Variants in OR4N2 observed in about 807,000 individuals in gnomAD.
OR4N2 encodes the protein olfactory receptor family 4 subfamily N member 2, also known as olfactory receptor 4N2.
For missense variants in OR4N2, 307 were observed against 377.6 expected (o/e 0.81, Z 1.55); for synonymous variants, 141 against 140.4 (o/e 1.00, Z -0.03).
At chr14:19,816,100 G>A (rs147265899) in intron 1 of OR4N2, among the ~76,000 whole-genome samples, 846 of 152,086 alleles carry the variant, frequency 5.6e-3, no homozygotes, top group African/African-American at 0.018. Flanking sequence ...TGGTTACTGC[G>A]GCCTTGTAGT....
chr14:19,814,348 T>A (rs1242784503), intron 1 of OR4N2, among the ~76,000 whole-genome samples: 6 of 152,206 alleles, frequency 3.9e-5, no homozygotes. Flanking sequence ...AATTGTTCTA[T>A]CCTATACCAA....
intron 1 of OR4N2, among the ~76,000 whole-genome samples, chr14:19,826,796 G>A (rs1166682617): frequency 3.9e-5 from 6 of 152,254 alleles, no homozygotes; most frequent in African/African-American, 4.8e-5. Flanking sequence ...GTTACAGCTG[G>A]AGCACTGTGC....
chr14:19,808,889 C>T (rs1402036040), intron 1 of OR4N2, among the ~76,000 whole-genome samples: 1 of 151,686 alleles, frequency 6.6e-6, no homozygotes. Flanking sequence ...GCCACTGTAA[C>T]CAAAACAGCA....
Position 19,827,477 on chromosome 14 carries a change from G to A in OR4N2, c.29G>A (p.Arg10Lys), listed in dbSNP as rs773189757. 16 of 1,605,896 alleles carry A rather than the reference G, an allele frequency of 1.0e-5. No individual in the cohort carries two copies. The highest frequency in any genetic ancestry group is 1.4e-5 in the Non-Finnish European group (16 of 1,176,116). The part of the protein sequence containing the change: MESENRTVI[R>K]EFILLGLTQS... ...GAAAGCGAGAACAGAACAGTGATAA[G>A]AGAATTCATCCTCCTTGGTCTGACC... Residue 10 changes from arginine (R) to lysine (K), a missense_variant, in exon 2 of 2, where the codon AGA becomes AAA. Arg to Lys is a conservative substitution (Grantham distance 26). Transcript: ENST00000557677.
chr14:19,817,342 G>A (rs1196303646), intron 1 of OR4N2, among the ~76,000 whole-genome samples: 1 of 152,192 alleles, frequency 6.6e-6, no homozygotes, highest in African/African-American at 2.4e-5. Context: ...TGGTTGGTAG[G>A]CTATTAATTA....
chr14:19,823,619 G>A lies in OR4N2; in HGVS notation c.-9-3821G>A, dbSNP rs1427559811. ...GAATGGAGTAGCCATGAACATAGACGAAAAGTGGAGAGAGTGAAAACATAT... is the reference window on the plus strand; with the variant it reads ...GAATGGAGTAGCCATGAACATAGACAAAAAGTGGAGAGAGTGAAAACATAT... On this transcript the variant is annotated intron_variant, in intron 1 of 1. Coordinates refer to ENST00000557677, the MANE Select transcript of OR4N2 (RefSeq NM_001004723.3). Among the ~76,000 whole-genome samples, 4 of 152,056 alleles carry A rather than the reference G, an allele frequency of 2.6e-5. 1 individual carries two copies. The highest frequency in any genetic ancestry group is 1.3e-4 in the Admixed American group (2 of 15,266).
chr14:19,827,476 A>G lies in OR4N2; in HGVS notation c.28A>G (p.Arg10Gly), dbSNP rs1215232372. The change falls in exon 2 of 2, where the codon AGA (arginine) becomes GGA (glycine). Residue 10 changes from arginine to glycine, a missense_variant. Coordinates refer to ENST00000557677, the MANE Select transcript of OR4N2 (RefSeq NM_001004723.3). MESENRTVI[R>G]EFILLGLTQS... Reference sequence around the variant, plus strand: ...GGAAAGCGAGAACAGAACAGTGATAAGAGAATTCATCCTCCTTGGTCTGAC... The same window carrying G: ...GGAAAGCGAGAACAGAACAGTGATAGGAGAATTCATCCTCCTTGGTCTGAC... 1 of 1,605,522 alleles carries G rather than the reference A, an allele frequency of 6.2e-7. No individual in the cohort carries two copies. The highest frequency in any genetic ancestry group is 1.7e-5 in the Admixed American group (1 of 58,872).
chr14:19,818,807 C>T (rs1401632874), intron 1 of OR4N2, among the ~76,000 whole-genome samples: 1 of 152,232 alleles, frequency 6.6e-6, no homozygotes, highest in African/African-American at 2.4e-5. Flanking sequence ...TATGTTTTTG[C>T]AGTGGCTGGT....
intron 1 of OR4N2, among the ~76,000 whole-genome samples, chr14:19,826,172 A>G (rs1476278512): frequency 1.3e-5 from 2 of 152,260 alleles, no homozygotes; most frequent in Non-Finnish European, 2.9e-5. Context: ...TCTATACTTC[A>G]GTGGATTATC....
rs748017200 is a variant in OR4N2, at chr14:19,827,840, A to C, written c.392A>C (p.His131Pro). 31 of 1,614,112 alleles carry C rather than the reference A, an allele frequency of 1.9e-5. No homozygotes were observed. The highest frequency in any genetic ancestry group is 8.5e-7 in the Non-Finnish European group (1 of 1,180,052). The change falls in exon 2 of 2, where the codon CAC becomes CCC. Residue 131 changes from histidine (H) to proline (P), a missense_variant. Transcript: ENST00000557677. ...DRYIAICRPL[H>P]YPTVMNPRTC... ...TACATCGCCATCTGCCGGCCTCTGC[A>C]CTATCCTACTGTCATGAACCCTAGA...
At chr14:19,811,018 T>C (rs2138464454) in intron 1 of OR4N2, among the ~76,000 whole-genome samples, 1 of 152,322 alleles carries the variant, frequency 6.6e-6, no homozygotes, top group Admixed American at 6.5e-5. Context: ...ACTAAGAAAA[T>C]TCCAGGTTCA....
chr14:19,816,641 C>T (rs1316596043), intron 1 of OR4N2, among the ~76,000 whole-genome samples: 1 of 152,222 alleles, frequency 6.6e-6, no homozygotes, highest in Non-Finnish European at 1.5e-5. Context: ...CATCTGCAAA[C>T]TTTGACAATT....
rs1165766588 is a variant in OR4N2, at chr14:19,827,892, G to A, written c.444G>A (p.Leu148=). The A allele has an allele frequency of 6.2e-7, 1 of 1,613,822 alleles. No individual in the cohort carries two copies. Among genetic ancestry groups the A allele is most frequent in the East Asian group, 2.2e-5 (1 of 44,890 alleles). Residue 148 remains leucine, a synonymous_variant, in exon 2 of 2, where the codon CTG becomes CTA. Transcript: ENST00000557677. ...CCTGCTATGCAATGATGTTGGCTCT[G>A]TGGCTTGGGGGTTTTGTCCACTCCA... ...PRTCYAMMLA[L]WLGGFVHSII...
At position 19,818,130 on chromosome 14, in the gene OR4N2, G is replaced by A. The variant is rs573576216; in HGVS notation, c.-9-9310G>A. 5.0e-3 allele frequency among the ~76,000 whole-genome samples: 762 copies of A among 152,326 alleles called. 7 individuals carry two copies. Among genetic ancestry groups the A allele is most frequent in the African/African-American group, 0.018 (740 of 41,540 alleles). On this transcript the variant is annotated intron_variant, in intron 1 of 1. Coordinates refer to ENST00000557677, the MANE Select transcript of OR4N2 (RefSeq NM_001004723.3). ...AAGTATGTGGTCAATTTTATAATAA[G>A]TGTGATGTGGTGCTGAGAAGAATAT...
intron 1 of OR4N2, among the ~76,000 whole-genome samples, chr14:19,817,662 A>T (rs1238922280): frequency 6.6e-6 from 1 of 152,192 alleles, no homozygotes; most frequent in African/African-American, 2.4e-5. Flanking sequence ...TGATTTTTTG[A>T]AGGGTTTTTT....
At chr14:19,805,660 T>C (rs1210906680) in intron 1 of OR4N2, among the ~76,000 whole-genome samples, 5 of 151,966 alleles carry the variant, frequency 3.3e-5, no homozygotes, top group Non-Finnish European at 7.4e-5. Context: ...ACTCGGAAAA[T>C]AAATTCGAAT....
chr14:19,823,107 A>G (rs1879606681), intron 1 of OR4N2, among the ~76,000 whole-genome samples: 1 of 152,286 alleles, frequency 6.6e-6, no homozygotes, highest in African/African-American at 2.4e-5. Flanking sequence ...CAGCATCAGC[A>G]TAAATTAAAT....
intron 1 of OR4N2, among the ~76,000 whole-genome samples, chr14:19,823,770 A>T: frequency 6.6e-6 from 1 of 152,208 alleles, no homozygotes; most frequent in Admixed American, 6.5e-5. Flanking sequence ...CAGGCAACAA[A>T]TTAACAGGGA....
chr14:19,816,836 A>C (rs894708033), intron 1 of OR4N2, among the ~76,000 whole-genome samples: 4 of 152,256 alleles, frequency 2.6e-5, no homozygotes, highest in Admixed American at 6.5e-5. Flanking sequence ...TGGGTGTGTC[A>C]TAAATAGCTC....
Sources: gnomAD v4.1 joint callset for allele counts (sites outside exome capture counted in the v4.1 genomes callset) on GRCh38, gnomAD v4.1.1 for gene constraint, MANE v1.5 for transcripts, NCBI Gene and HGNC (gene_info 2026-07-23, HGNC 2026-07-21) for gene names.